MCPH1: variants seen among roughly 807,000 people sequenced by gnomAD.
MCPH1 encodes the protein microcephalin 1, also known as microcephalin.
In MCPH1, 104 loss-of-function variants were observed where a neutral mutation model predicts 84.5. The ratio of observed to expected loss-of-function variants is 1.23; its 90% CI spans 1.05 to 1.45. The LOEUF is 1.45. Among genes scored for constraint, MCPH1 ranks in the 40% most tolerant of loss-of-function variants. The pLI, the probability that MCPH1 is intolerant of heterozygous loss-of-function variation, is 0.00. For synonymous variants in MCPH1, 514 were observed against 366.8 expected (o/e 1.40, Z -4.58); for missense variants, 1,498 against 1,005.7 (o/e 1.49, Z -6.62).
At chr8:6,628,469 CAAAAAAAA>C (rs34188003) in intron 13 of MCPH1, among the ~76,000 whole-genome samples, 20 of 41,586 alleles carry the variant, frequency 4.8e-4, no homozygotes, top group African/African-American at 1.5e-3. Flanking sequence ...GACTCTGTCT[CAAAAAAAA>C]AAAAAAAAAA....
rs373423129 is a variant in MCPH1 at position 6,549,523 on chromosome 8, A to G, written c.2214+49594A>G. 2.6e-4 allele frequency among the ~76,000 whole-genome samples: 40 copies of G among 151,794 alleles called. No individual in the cohort carries two copies. The East Asian group carries it at 7.6e-3, about 29-fold the overall frequency. On this transcript the variant is annotated intron_variant, in intron 12 of 13. Transcript: ENST00000344683. ...CTTCTGTATCTTGAGCTGGGCAGTCATTACACAGGTGCGCACATATATGGA... is the reference window on the plus strand; with the variant it reads ...CTTCTGTATCTTGAGCTGGGCAGTCGTTACACAGGTGCGCACATATATGGA...
chr8:6,623,688 C>CAAAAA lies in MCPH1; in HGVS notation c.2452+2023_2452+2027dup, dbSNP rs377522481. Reference sequence around the variant, plus strand: ...CATCTTTTGCCTGGAAACCAACTTCCAAAAAAAAAAAAAAAAAAAAAAAAA... The same window carrying CAAAAA: ...CATCTTTTGCCTGGAAACCAACTTCCAAAAAAAAAAAAAAAAAAAAAAAAAAAAAA... On this transcript the variant is annotated intron_variant, in intron 13 of 13. Coordinates refer to ENST00000344683, the MANE Select transcript of MCPH1 (RefSeq NM_024596.5). Among the ~76,000 whole-genome samples the CAAAAA allele has an allele frequency of 1.6e-3, 151 of 92,368 alleles. 16 individuals carry two copies. The highest frequency in any genetic ancestry group is 2.2e-3 in the African/African-American group (48 of 21,788). 60.6% of individuals were successfully genotyped at this position (92,368 alleles called of 152,430 possible). A position where few individuals can be genotyped will look rare whatever the true frequency, so the allele number is the denominator to read the frequency against.
intron 11 of MCPH1, among the ~76,000 whole-genome samples, chr8:6,484,137 A>G (rs1468531238): frequency 6.6e-6 from 1 of 152,232 alleles, no homozygotes; most frequent in African/African-American, 2.4e-5. Context: ...GATCAGAAGA[A>G]AACGTTTGCA....
intron 13 of MCPH1, chr8:6,642,576 G>A (rs1798004789): frequency 6.8e-6 from 2 of 293,156 alleles, no homozygotes; most frequent in Non-Finnish European, 1.3e-5. Context: ...CACCACTGGT[G>A]TCATAATTAA....
chr8:6,633,823 T>A (rs1428306183), intron 13 of MCPH1, among the ~76,000 whole-genome samples: 1 of 152,218 alleles, frequency 6.6e-6, no homozygotes, highest in Non-Finnish European at 1.5e-5. Flanking sequence ...TGCAGTGTCA[T>A]GTAAAAATAT....
chr8:6,527,461 A>G (rs1818542918), intron 12 of MCPH1: 1 of 1,477,144 alleles, frequency 6.8e-7, no homozygotes, highest in Non-Finnish European at 9.2e-7. Flanking sequence ...GACATGAAGA[A>G]ACTCACCATT....
intron 3 of MCPH1, among the ~76,000 whole-genome samples, chr8:6,425,125 G>A (rs1800864501): frequency 6.6e-6 from 1 of 152,188 alleles, no homozygotes; most frequent in South Asian, 2.1e-4. Context: ...GTGTACTGTG[G>A]GAAGTGCTGG....
At chr8:6,406,965 G>T (rs1184250020) in intron 1 of MCPH1, 6 of 497,294 alleles carry the variant, frequency 1.2e-5, no homozygotes, top group Non-Finnish European at 1.8e-5. Context: ...CCGACTGCCT[G>T]CTTCCTCCCC....
At chr8:6,494,684 TC>T (rs997959285) in intron 11 of MCPH1, 6 of 152,102 alleles carry the variant, frequency 3.9e-5, no homozygotes, top group Admixed American at 2.0e-4. Flanking sequence ...AGACAGTATA[TC>T]CAGAATAGGT....
intron 8 of MCPH1, among the ~76,000 whole-genome samples, chr8:6,449,591 C>A (rs553570016): frequency 1.3e-5 from 2 of 152,016 alleles, no homozygotes; most frequent in Admixed American, 1.3e-4. Context: ...CGAGATCATG[C>A]CACTGCACTC....
chr8:6,519,915 G>A (rs111537897), intron 12 of MCPH1: 1 of 1,613,464 alleles, frequency 6.2e-7, no homozygotes, highest in East Asian at 2.2e-5. Context: ...TGCCATTCGT[G>A]GTGTGTCCTG....
At chr8:6,579,255 C>A (rs892949262) in intron 12 of MCPH1, among the ~76,000 whole-genome samples, 6 of 152,192 alleles carry the variant, frequency 3.9e-5, no homozygotes, top group African/African-American at 1.4e-4. Context: ...CGGCAGAGTT[C>A]CAGGTATGGT....
intron 11 of MCPH1, among the ~76,000 whole-genome samples, chr8:6,482,574 A>T (rs1405725828): frequency 6.6e-6 from 1 of 152,200 alleles, no homozygotes; most frequent in Non-Finnish European, 1.5e-5. Context: ...AAGGATATGC[A>T]TCTGTACAGG....
chr8:6,627,359 C>A, intron 13 of MCPH1: 1 of 911,788 alleles, frequency 1.1e-6, no homozygotes, highest in Non-Finnish European at 1.3e-6. Flanking sequence ...TGCCCCCTTC[C>A]AGCCCCTCTC....
chr8:6,413,402 G>A (rs1292183773), intron 2 of MCPH1, among the ~76,000 whole-genome samples: 2 of 150,244 alleles, frequency 1.3e-5, no homozygotes, highest in Non-Finnish European at 3.0e-5. Flanking sequence ...CTTGTGCTGG[G>A]CCTTTGTGGG....
At chr8:6,628,540 T>C (rs571991221) in intron 13 of MCPH1, among the ~76,000 whole-genome samples, 2 of 151,032 alleles carry the variant, frequency 1.3e-5, no homozygotes, top group South Asian at 4.2e-4. Flanking sequence ...GAGTCAGCTG[T>C]CTATTCAATT....
chr8:6,493,977 G>C (rs1270017295), intron 11 of MCPH1: 2 of 150,998 alleles, frequency 1.3e-5, no homozygotes, highest in East Asian at 3.9e-4. Flanking sequence ...GTTTCGCTCT[G>C]TTGCCCAGGC....
intron 12 of MCPH1, among the ~76,000 whole-genome samples, chr8:6,537,659 A>C (rs889433558): frequency 2.6e-5 from 4 of 152,116 alleles, no homozygotes; most frequent in African/African-American, 9.7e-5. Flanking sequence ...CAGGAAAAAT[A>C]GGTCCATTTG....
chr8:6,445,751 G>A, intron 8 of MCPH1: 1 of 1,359,134 alleles, frequency 7.4e-7, no homozygotes, highest in Non-Finnish European at 9.4e-7. Context: ...AGACTTATTG[G>A]TTAAGTCTGT....
Sources: gnomAD v4.1 joint callset for allele counts (sites outside exome capture counted in the v4.1 genomes callset) on GRCh38, gnomAD v4.1.1 for gene constraint, MANE v1.5 for transcripts, NCBI Gene and HGNC (gene_info 2026-07-23, HGNC 2026-07-21) for gene names.